Variants in ADGRL2 observed in about 807,000 individuals in gnomAD.
ADGRL2 encodes calcium-independent alpha-latrotoxin receptor 2.
ADGRL2 carries 44 observed loss-of-function variants against 157.4 expected under a neutral mutation model. The observed-to-expected ratio is 0.28, with a 90% confidence interval of 0.22 to 0.36. The LOEUF (loss-of-function observed/expected upper bound fraction) is 0.36. Among genes scored for constraint, ADGRL2 ranks in the 10% least tolerant of loss-of-function variants. The pLI, the probability that ADGRL2 is intolerant of heterozygous loss-of-function variation, is 1.00. For synonymous variants in ADGRL2, 585 were observed against 624.7 expected (o/e 0.94, Z 0.95); for missense variants, 1,510 against 1,768.9 (o/e 0.85, Z 2.63).
At chr1:81,547,454 T>C (rs539737510) in intron 2 of ADGRL2, among the ~76,000 whole-genome samples, 2 of 152,282 alleles carry the variant, frequency 1.3e-5, no homozygotes, top group East Asian at 3.9e-4. Flanking sequence ...GCTGGAGCAA[T>C]GTTCTCCTAT....
chr1:81,457,425 A>T (rs1012969682), intron 2 of ADGRL2, among the ~76,000 whole-genome samples: 1 of 152,134 alleles, frequency 6.6e-6, no homozygotes, highest in Non-Finnish European at 1.5e-5. Flanking sequence ...GATACTAATC[A>T]GCTTATTGTT....
chr1:81,432,686 C>T (rs981983899), intron 1 of ADGRL2, among the ~76,000 whole-genome samples: 1 of 152,192 alleles, frequency 6.6e-6, no homozygotes, highest in African/African-American at 2.4e-5. Flanking sequence ...CGCCGCTCCC[C>T]TCCCCAGCCC....
chr1:81,566,890 T>C (rs753114542), intron 2 of ADGRL2, among the ~76,000 whole-genome samples: 1 of 152,174 alleles, frequency 6.6e-6, no homozygotes, highest in Non-Finnish European at 1.5e-5. Flanking sequence ...ATCATGGTGT[T>C]AAGGCAATAA....
chr1:81,344,768 A>T (rs1356923272), intron 1 of ADGRL2, among the ~76,000 whole-genome samples: 1 of 151,788 alleles, frequency 6.6e-6, no homozygotes, highest in Non-Finnish European at 1.5e-5. Flanking sequence ...TATTTTTCTC[A>T]TATTTAAAAA....
intron 1 of ADGRL2, among the ~76,000 whole-genome samples, chr1:81,819,298 G>C (rs2090744184): frequency 6.6e-6 from 1 of 152,012 alleles, no homozygotes; most frequent in Admixed American, 6.6e-5. Context: ...AAGAATCAAA[G>C]CCCAGAACCA....
intron 2 of ADGRL2, among the ~76,000 whole-genome samples, chr1:81,854,455 C>G (rs1217830223): frequency 6.6e-6 from 1 of 152,156 alleles, no homozygotes; most frequent in African/African-American, 2.4e-5. Context: ...TTCTGACTCT[C>G]ATCAGCTATG....
chr1:81,408,522 A>G lies in ADGRL2; in HGVS notation c.-301-36514A>G, dbSNP rs542475943. The stretch of plus-strand genomic sequence containing the variant: ...AAACCACATTAATTAAGATGAGTTC[A>G]ACAAGCAGTTTAAAACTGGGAATCT... On this transcript the variant is annotated intron_variant, in intron 1 of 24. Coordinates refer to the ADGRL2 transcript ENST00000370721. Among the ~76,000 whole-genome samples, 3 of 152,288 alleles carry G rather than the reference A, an allele frequency of 2.0e-5. No homozygotes were observed. The South Asian group carries it at 6.2e-4, about 32-fold the overall frequency.
At chr1:81,922,199 GA>G (rs1394905222) in intron 3 of ADGRL2, among the ~76,000 whole-genome samples, 1 of 152,062 alleles carries the variant, frequency 6.6e-6, no homozygotes, top group African/African-American at 2.4e-5. Context: ...CCTGAGAGGG[GA>G]AAAAATACTG....
At chr1:81,892,105 C>G (rs2094283624) in intron 2 of ADGRL2, among the ~76,000 whole-genome samples, 1 of 151,894 alleles carries the variant, frequency 6.6e-6, no homozygotes, top group African/African-American at 2.4e-5. Flanking sequence ...TGTACCAACA[C>G]TGTGAATTAA....
chr1:81,681,527 G>A (rs1231645453), intron 3 of ADGRL2, among the ~76,000 whole-genome samples: 2 of 152,210 alleles, frequency 1.3e-5, no homozygotes, highest in African/African-American at 4.8e-5. Context: ...TGGTTATTGT[G>A]CTAATAATTG....
chr1:81,332,552 A>C (rs1661346232), intron 1 of ADGRL2, among the ~76,000 whole-genome samples: 1 of 152,190 alleles, frequency 6.6e-6, no homozygotes, highest in Non-Finnish European at 1.5e-5. Flanking sequence ...CTCCTCATGG[A>C]AATACAATTT....
chr1:81,882,073 T>A (rs570585589), intron 2 of ADGRL2, among the ~76,000 whole-genome samples: 2 of 152,318 alleles, frequency 1.3e-5, no homozygotes, highest in East Asian at 3.9e-4. Context: ...TTGTACAATT[T>A]GTTTCTTGAT....
intron 2 of ADGRL2, among the ~76,000 whole-genome samples, chr1:81,539,047 C>T (rs1570433263): frequency 6.6e-6 from 1 of 151,134 alleles, no homozygotes; most frequent in Non-Finnish European, 1.5e-5. Flanking sequence ...AAAATCTTCC[C>T]TTAATATACT....
chr1:81,517,583 C>T (rs80131689), intron 2 of ADGRL2, among the ~76,000 whole-genome samples: 27 of 151,850 alleles, frequency 1.8e-4, no homozygotes, highest in African/African-American at 6.3e-4. Context: ...ACTGCTTTAG[C>T]CCCATGTCCC....
intron 2 of ADGRL2, among the ~76,000 whole-genome samples, chr1:81,466,521 C>A (rs959418804): frequency 1.3e-5 from 2 of 152,148 alleles, no homozygotes; most frequent in African/African-American, 4.8e-5. Context: ...TATGCCAGAT[C>A]TTGCTATAAC....
intron 1 of ADGRL2, among the ~76,000 whole-genome samples, chr1:81,324,696 C>T (rs1325749411): frequency 6.6e-6 from 1 of 151,894 alleles, no homozygotes; most frequent in Non-Finnish European, 1.5e-5. Context: ...TCTGAGTAAC[C>T]TCCCTGAGCT....
At chr1:81,893,237 A>G (rs2094307566) in intron 2 of ADGRL2, among the ~76,000 whole-genome samples, 1 of 151,806 alleles carries the variant, frequency 6.6e-6, no homozygotes, top group Non-Finnish European at 1.5e-5. Flanking sequence ...CCTGCCTGTC[A>G]TTATAAATCA....
chr1:81,465,179 A>G (rs1234936511), intron 2 of ADGRL2, among the ~76,000 whole-genome samples: 2 of 152,304 alleles, frequency 1.3e-5, no homozygotes, highest in Admixed American at 6.5e-5. Flanking sequence ...TCCTATAGTT[A>G]CAAATATTTT....
intron 3 of ADGRL2, among the ~76,000 whole-genome samples, chr1:81,636,695 G>C (rs2082121072): frequency 6.6e-6 from 1 of 152,090 alleles, no homozygotes; most frequent in Non-Finnish European, 1.5e-5. Flanking sequence ...ATGAAAATCT[G>C]TACTCAAATA....
Sources: allele counts gnomAD v4.1 joint callset (sites outside exome capture counted in the v4.1 genomes callset), GRCh38; gene constraint gnomAD v4.1.1; transcripts MANE v1.5; gene names NCBI Gene and HGNC (gene_info 2026-07-23, HGNC 2026-07-21).